ZNF536: variants seen among roughly 807,000 people sequenced by gnomAD.
ZNF536 encodes the protein zinc finger protein 536.
ZNF536 carries 13 observed loss-of-function variants against 84.5 expected under a neutral mutation model. The observed-to-expected ratio is 0.15, with a 90% CI of 0.10 to 0.24. The LOEUF (loss-of-function observed/expected upper bound fraction) is 0.24, where lower values mean the gene tolerates loss of function less well. Among genes scored for constraint, ZNF536 ranks in the 10% least tolerant of loss-of-function variants. ZNF536 has a pLI of 1.00. For synonymous variants in ZNF536, 811 were observed against 742.5 expected, an observed-to-expected ratio of 1.09 and a Z score of -1.50; for missense variants, 1,536 against 1,747.5, an observed-to-expected ratio of 0.88 and a Z score of 2.16.
intron 1 of ZNF536, among the ~76,000 whole-genome samples, chr19:30,696,786 A>G (rs1600299782): frequency 6.6e-6 from 1 of 152,108 alleles, no homozygotes; most frequent in Non-Finnish European, 1.5e-5. Flanking sequence ...ACTCTGCACC[A>G]CCAGCCAGAG....
At chr19:30,354,252 TC>T (rs1276148494) in intron 3 of ZNF536, among the ~76,000 whole-genome samples, 1 of 152,150 alleles carries the variant, frequency 6.6e-6, no homozygotes, top group Admixed American at 6.5e-5. Flanking sequence ...GACATGTGTG[TC>T]CTCTGGGAAT....
At chr19:30,608,970 A>G (rs1052227444) in intron 1 of ZNF536, among the ~76,000 whole-genome samples, 1 of 152,170 alleles carries the variant, frequency 6.6e-6, no homozygotes, top group African/African-American at 2.4e-5. Context: ...GGAAGTGGAG[A>G]AGTCCAGGTG....
At chr19:30,464,887 A>T (rs1435854892) in intron 2 of ZNF536, among the ~76,000 whole-genome samples, 1 of 151,986 alleles carries the variant, frequency 6.6e-6, no homozygotes. Flanking sequence ...GGCCCCTTTG[A>T]TGGCTGTGGC....
intron 2 of ZNF536, among the ~76,000 whole-genome samples, chr19:30,453,667 A>G (rs890213724): frequency 6.6e-6 from 1 of 152,238 alleles, no homozygotes; most frequent in African/African-American, 2.4e-5. Flanking sequence ...CCTGAGCCAC[A>G]TCTTCAAAAA....
chr19:30,575,068 G>A (rs868278806), intron 1 of ZNF536, among the ~76,000 whole-genome samples: 6 of 152,284 alleles, frequency 3.9e-5, no homozygotes, highest in Middle Eastern at 3.4e-3. Flanking sequence ...GTCTGTGCAG[G>A]GGATTACTGA....
At chr19:30,682,395 C>T (rs1373919651) in intron 1 of ZNF536, among the ~76,000 whole-genome samples, 3 of 152,108 alleles carry the variant, frequency 2.0e-5, no homozygotes, top group African/African-American at 4.8e-5. Context: ...TTGTGCTGGT[C>T]GCGCGTGCAC....
At chr19:30,496,953 C>A (rs2054745697) in intron 2 of ZNF536, among the ~76,000 whole-genome samples, 2 of 152,192 alleles carry the variant, frequency 1.3e-5, no homozygotes, top group Non-Finnish European at 1.5e-5. Context: ...CCATGCACAG[C>A]CTCAGCTCCA....
At chr19:30,415,589 G>A (rs190191822) in intron 1 of ZNF536, among the ~76,000 whole-genome samples, 44 of 123,310 alleles carry the variant, frequency 3.6e-4, no homozygotes, top group Middle Eastern at 4.3e-3. Flanking sequence ...CATCATCATC[G>A]TCATCGTCAT....
intron 2 of ZNF536, among the ~76,000 whole-genome samples, chr19:30,503,373 T>C (rs2055028247): frequency 6.6e-6 from 1 of 151,872 alleles, no homozygotes; most frequent in Non-Finnish European, 1.5e-5. Flanking sequence ...GAAGAAGAAA[T>C]ACAAATGGTC....
intron 1 of ZNF536, among the ~76,000 whole-genome samples, chr19:30,261,154 C>T (rs1347374342): frequency 4.7e-5 from 7 of 150,162 alleles, no homozygotes; most frequent in Admixed American, 1.3e-4. Context: ...AAAAATTAGC[C>T]GGGCGTAGTG....
At chr19:30,423,926 C>T (rs1013686168) in intron 1 of ZNF536, among the ~76,000 whole-genome samples, 1 of 152,170 alleles carries the variant, frequency 6.6e-6, no homozygotes, top group Non-Finnish European at 1.5e-5. Flanking sequence ...GGCTCCCTGC[C>T]AGGGTCAAGC....
At chr19:30,693,699 C>T (rs2051524455) in intron 1 of ZNF536, among the ~76,000 whole-genome samples, 2 of 152,140 alleles carry the variant, frequency 1.3e-5, no homozygotes, top group South Asian at 2.1e-4. Flanking sequence ...GTTTATGCTT[C>T]CATCTTTCCT....
At chr19:30,603,028 G>A (rs79158499) in intron 1 of ZNF536, among the ~76,000 whole-genome samples, 2,701 of 152,310 alleles carry the variant, frequency 0.018, 164 homozygotes, top group Admixed American at 0.12. Flanking sequence ...CAGTCTGTGA[G>A]GTGTGTCCAG....
At chr19:30,272,039 G>A (rs187386272) in intron 1 of ZNF536, among the ~76,000 whole-genome samples, 1 of 152,308 alleles carries the variant, frequency 6.6e-6, no homozygotes, top group East Asian at 1.9e-4. Flanking sequence ...TTGGACATCA[G>A]CTCATCGGAG....
At chr19:30,365,727 C>T (rs1233123473) in intron 3 of ZNF536, among the ~76,000 whole-genome samples, 2 of 152,158 alleles carry the variant, frequency 1.3e-5, no homozygotes, top group East Asian at 1.9e-4. Flanking sequence ...TTCCAGCATT[C>T]CCACACCTAA....
intron 2 of ZNF536, among the ~76,000 whole-genome samples, chr19:30,526,157 A>T (rs1017487546): frequency 6.6e-6 from 1 of 152,154 alleles, no homozygotes; most frequent in South Asian, 2.1e-4. Context: ...GCAGAGCCCA[A>T]AGAGACATGT....
At chr19:30,690,717 G>A (rs1274075145) in intron 1 of ZNF536, among the ~76,000 whole-genome samples, 4 of 152,082 alleles carry the variant, frequency 2.6e-5, no homozygotes, top group Non-Finnish European at 5.9e-5. Context: ...GCACATGACT[G>A]TCTTTGCACC....
At chr19:30,242,654 C>A (rs990266541) in intron 1 of ZNF536, among the ~76,000 whole-genome samples, 1 of 152,220 alleles carries the variant, frequency 6.6e-6, no homozygotes, top group African/African-American at 2.4e-5. Context: ...CCATCCCCAA[C>A]TCTTCATCAC....
At chr19:30,549,658 T>C in intron 4 of ZNF536, 144 bp downstream of exon 4, 1 of 911,918 alleles carries the variant, frequency 1.1e-6, no homozygotes, top group Non-Finnish European at 1.5e-6. Flanking sequence ...ATCTGCAATG[T>C]AGACAATCAT....
Sources: gnomAD v4.1 joint callset for allele counts (sites outside exome capture counted in the v4.1 genomes callset) on GRCh38, gnomAD v4.1.1 for gene constraint, MANE v1.5 for transcripts, NCBI Gene and HGNC (gene_info 2026-07-23, HGNC 2026-07-21) for gene names.